PCTP: variants seen among roughly 807,000 people sequenced by gnomAD.
PCTP encodes phosphatidylcholine transfer protein.
Under a neutral mutation model 31.0 loss-of-function variants are expected in PCTP, and 27 were observed. The observed-to-expected ratio is 0.87, with a 90% CI of 0.64 to 1.20. The LOEUF (loss-of-function observed/expected upper bound fraction) is 1.20. PCTP is among the 50% of genes most tolerant of loss of function. The probability of loss-of-function intolerance (pLI) is 0.00; values close to 1 mark genes in which losing one functional copy is unlikely to be tolerated. For missense variants in PCTP, 287 were observed against 268.2 expected (o/e 1.07, Z -0.49); for synonymous variants, 108 against 101.2 (o/e 1.07, Z -0.40).
chr17:55,775,907 A>G, intron 5 of PCTP, 128 bp from the exon 6 acceptor site: 1 of 1,446,080 alleles, frequency 6.9e-7, no homozygotes, highest in African/African-American at 1.4e-5. Context: ...TTCTGTTGAA[A>G]TCCAGTTAGG....
chr17:55,762,344 T>C (rs1910383794), intron 1 of PCTP, among the ~76,000 whole-genome samples: 1 of 152,142 alleles, frequency 6.6e-6, no homozygotes, highest in South Asian at 2.1e-4. Flanking sequence ...GGAGGGTCTG[T>C]GTCTGGCCTT....
At chr17:55,820,803 T>C (rs547410854) in intron 3 of PCTP, among the ~76,000 whole-genome samples, 15 of 152,272 alleles carry the variant, frequency 9.9e-5, no homozygotes, top group African/African-American at 3.4e-4. Flanking sequence ...CAATCAGGGA[T>C]GTGCAAACTA....
the PCTP span, among the ~76,000 whole-genome samples, chr17:55,852,172 A>G: frequency 6.6e-6 from 1 of 152,236 alleles, no homozygotes; most frequent in Non-Finnish European, 1.5e-5. Context: ...AATATATACT[A>G]GAATCTCAGA....
chr17:55,771,188 A>T lies in PCTP; in HGVS notation c.339+3A>T. 1 of 1,600,118 alleles carries T rather than the reference A, an allele frequency of 6.2e-7. No individual in the cohort carries two copies. Among genetic ancestry groups the T allele is most frequent in the Non-Finnish European group, 8.6e-7 (1 of 1,167,306 alleles). On this transcript the variant is annotated splice_donor_region_variant and intron_variant, in intron 3 of 5. Coordinates refer to ENST00000268896, the MANE Select transcript of PCTP (RefSeq NM_021213.4). Reference sequence around the variant, plus strand: ...CTTTTCCCATGTCCAACAGAGACGTATCCTTTCCACAAGGTACTCATTCCC... The same window carrying T: ...CTTTTCCCATGTCCAACAGAGACGTTTCCTTTCCACAAGGTACTCATTCCC...
chr17:55,788,917 C>G (rs889313529), intron 3 of PCTP, among the ~76,000 whole-genome samples: 1 of 152,142 alleles, frequency 6.6e-6, no homozygotes, highest in South Asian at 2.1e-4. Context: ...CTTTTTCTCC[C>G]AGGGTTCCTG....
Position 55,789,230 on chromosome 17 carries a change from G to T in PCTP, c.317+1576G>T, listed in dbSNP as rs181422396. ...CTTTCTTACAAATCAGAATTAAGTG[G>T]TGAGTACCCATTTATGCTTTTCTCT... On this transcript the variant is annotated intron_variant, in intron 3 of 3. Coordinates refer to the PCTP transcript ENST00000572536. 9.2e-5 allele frequency among the ~76,000 whole-genome samples: 14 copies of T among 152,220 alleles called. No homozygotes were observed. In the East Asian group the frequency reaches 2.7e-3, roughly 29 times the overall value.
intron 1 of PCTP, among the ~76,000 whole-genome samples, chr17:55,767,018 G>A (rs1380352322): frequency 3.9e-5 from 6 of 152,164 alleles, no homozygotes; most frequent in African/African-American, 9.7e-5. Flanking sequence ...GCCAGTGATG[G>A]TGAGCATTTT....
Position 55,833,676 on chromosome 17 carries a change from C to T in PCTP, n.506-9051C>T, listed in dbSNP as rs1183494868. Among the ~76,000 whole-genome samples the T allele has an allele frequency of 2.0e-5, 3 of 152,184 alleles. 1 individual carries two copies. Among genetic ancestry groups the T allele is most frequent in the Admixed American group, 2.0e-4 (3 of 15,284 alleles). On this transcript the variant is annotated intron_variant and non_coding_transcript_variant, in intron 5 of 5. Coordinates refer to the PCTP transcript ENST00000576221. Reference sequence around the variant, plus strand: ...GGTGTTCCTAGATCTCTGTATTTTGCAAGCCTTCTAGGTGACTCTCACGCA... The same window carrying T: ...GGTGTTCCTAGATCTCTGTATTTTGTAAGCCTTCTAGGTGACTCTCACGCA...
At chr17:55,826,116 T>C (rs1429037711), downstream of PCTP, among the ~76,000 whole-genome samples, 1 of 152,206 alleles carries the variant, frequency 6.6e-6, no homozygotes, top group Non-Finnish European at 1.5e-5. Context: ...CCAGTGTACC[T>C]GGTCTCATCA....
rs189951350 is a variant in PCTP, at chr17:55,828,124, T to A, written n.505+5197T>A. Among the ~76,000 whole-genome samples, 61 of 152,246 alleles carry A rather than the reference T, an allele frequency of 4.0e-4. 1 individual carries two copies. Among genetic ancestry groups the A allele is most frequent in the African/African-American group, 1.3e-3 (56 of 41,546 alleles). On this transcript the variant is annotated intron_variant and non_coding_transcript_variant, in intron 5 of 5. Coordinates refer to the PCTP transcript ENST00000576221. ...TTGGTATGCTAAACCCTTCTATAAC[T>A]AATTGGAGAAGCAAGGAGCTGTAAG...
intron 5 of PCTP, among the ~76,000 whole-genome samples, chr17:55,832,268 T>C (rs924203315): frequency 1.3e-5 from 2 of 152,232 alleles, no homozygotes; most frequent in African/African-American, 4.8e-5. Flanking sequence ...ATTATCTGTA[T>C]TCCTTAGTAC....
At chr17:55,831,458 C>T (rs967167605) in intron 5 of PCTP, among the ~76,000 whole-genome samples, 8 of 152,248 alleles carry the variant, frequency 5.3e-5, no homozygotes, top group Non-Finnish European at 8.8e-5. Flanking sequence ...TAGCATCAGC[C>T]AAATAGCCAA....
downstream of PCTP, among the ~76,000 whole-genome samples, chr17:55,845,730 G>A (rs1422511544): frequency 2.6e-5 from 4 of 152,230 alleles, no homozygotes; most frequent in East Asian, 5.8e-4. Flanking sequence ...GGACCCCCGG[G>A]ACCCCGGGCG....
In PCTP at chr17:55,771,180, A is replaced by G. The variant is rs1479066158; in HGVS notation, c.334A>G (p.Arg112Gly). Residue 112 changes from arginine to glycine, a missense_variant, in exon 3 of 6, where the codon AGA becomes GGA. Coordinates refer to ENST00000268896, the MANE Select transcript of PCTP (RefSeq NM_021213.4). ...GAAGTACCCTTTTCCCATGTCCAAC[A>G]GAGACGTATCCTTTCCACAAGGTAC... is the stretch of plus-strand genomic sequence containing the variant. ...EVKYPFPMSN[R>G]DYVYLRQRRD... 2 of 1,605,734 alleles carry G rather than the reference A, an allele frequency of 1.2e-6. No individual in the cohort carries two copies. Among genetic ancestry groups the G allele is most frequent in the South Asian group, 2.2e-5 (2 of 90,872 alleles).
At position 55,839,165 on chromosome 17, in the gene PCTP, A is replaced by AT. The variant is rs903511247; in HGVS notation, n.506-3554dup. Among the ~76,000 whole-genome samples the AT allele has an allele frequency of 4.7e-4, 71 of 152,106 alleles. 2 individuals carry two copies. Among genetic ancestry groups the AT allele is most frequent in the Non-Finnish European group, 2.6e-4 (18 of 67,996 alleles). On this transcript the variant is annotated intron_variant and non_coding_transcript_variant, in intron 5 of 5. Coordinates refer to the PCTP transcript ENST00000576221. ...AAGAGTAGCAGCAGTGACTTAACAG[A>AT]TTTTTTTTCATTGCTGCTGCTTCTT...
At chr17:55,775,990 G>T in intron 5 of PCTP, 45 bp from the exon 6 acceptor site, 2 of 1,609,300 alleles carry the variant, frequency 1.2e-6, no homozygotes, top group South Asian at 2.2e-5. Flanking sequence ...AATCAAGAGT[G>T]ACCACTGTGA....
chr17:55,841,780 A>C (rs980348367), intron 5 of PCTP, among the ~76,000 whole-genome samples: 3 of 152,222 alleles, frequency 2.0e-5, no homozygotes, highest in African/African-American at 7.2e-5. Flanking sequence ...CAAATTACTC[A>C]TACAGAAATC....
chr17:55,788,607 A>T (rs76553605), intron 3 of PCTP, among the ~76,000 whole-genome samples: 4,089 of 152,210 alleles, frequency 0.027, 184 homozygotes, highest in African/African-American at 0.094. Flanking sequence ...TATACTTATG[A>T]TTGCTAGTGA....
chr17:55,852,119 C>T, the PCTP span, among the ~76,000 whole-genome samples: 2 of 152,050 alleles, frequency 1.3e-5, no homozygotes, highest in Non-Finnish European at 2.9e-5. Context: ...ATTTGTAGCT[C>T]CAGTTCATAC....
Sources: gnomAD v4.1 joint callset for allele counts (sites outside exome capture counted in the v4.1 genomes callset) on GRCh38, gnomAD v4.1.1 for gene constraint, MANE v1.5 for transcripts, NCBI Gene and HGNC (gene_info 2026-07-23, HGNC 2026-07-21) for gene names.